ITGA2: variants seen among roughly 807,000 people sequenced by gnomAD.
ITGA2 encodes integrin alpha-2.
In ITGA2, 101 loss-of-function variants were observed where a neutral mutation model predicts 146.3. That is an observed-to-expected ratio of 0.69 (90% confidence interval 0.59 to 0.81). The LOEUF is 0.81. Ranked by LOEUF, ITGA2 falls within the 40% of genes least tolerant of loss-of-function variation. The pLI is 0.00. For synonymous variants in ITGA2, 477 were observed against 487.1 expected, an observed-to-expected ratio of 0.98 and a Z score of 0.27; for missense variants, 1,281 against 1,402.7, an observed-to-expected ratio of 0.91 and a Z score of 1.39.
chr5:53,031,294 T>C (rs1160778265), intron 2 of ITGA2, among the ~76,000 whole-genome samples: 3 of 152,242 alleles, frequency 2.0e-5, no homozygotes, highest in Admixed American at 6.5e-5. Flanking sequence ...GGATTTATCA[T>C]GTAATACATG....
chr5:53,072,252 C>T (rs1053225888), intron 18 of ITGA2, among the ~76,000 whole-genome samples: 10 of 151,852 alleles, frequency 6.6e-5, no homozygotes, highest in Admixed American at 1.3e-4. Context: ...GCTGTGTTTC[C>T]ACTCCCTAGA....
chr5:53,025,486 A>C (rs1475603643), intron 1 of ITGA2, among the ~76,000 whole-genome samples: 1 of 152,206 alleles, frequency 6.6e-6, no homozygotes, highest in Admixed American at 6.5e-5. Context: ...TCCCTGATAC[A>C]GTGATTTTGG....
chr5:53,016,742 C>A (rs1742418718), intron 1 of ITGA2, among the ~76,000 whole-genome samples: 2 of 152,088 alleles, frequency 1.3e-5, no homozygotes. Flanking sequence ...TAAATTTGGT[C>A]TCTTTACATA....
At chr5:53,072,743 T>C (rs1386367996) in intron 19 of ITGA2, 48 bp downstream of exon 19, 2 of 1,369,748 alleles carry the variant, frequency 1.5e-6, no homozygotes, top group South Asian at 2.4e-5. Flanking sequence ...ATAAAAGACA[T>C]ACTAGATTAC....
intron 27 of ITGA2, among the ~76,000 whole-genome samples, chr5:53,086,751 T>C (rs1047033913): frequency 1.3e-5 from 2 of 152,188 alleles, no homozygotes; most frequent in African/African-American, 2.4e-5. Context: ...CAGACATGTA[T>C]TAAAATTACC....
chr5:53,046,705 A>G (rs573907711), intron 4 of ITGA2, among the ~76,000 whole-genome samples: 1 of 151,984 alleles, frequency 6.6e-6, no homozygotes, highest in Admixed American at 6.6e-5. Context: ...AGAGAGGAGG[A>G]GAAAGAAAAA....
intron 1 of ITGA2, among the ~76,000 whole-genome samples, chr5:52,991,756 G>A (rs186699192): frequency 4.5e-4 from 68 of 152,090 alleles, no homozygotes; most frequent in Non-Finnish European, 5.9e-5. Context: ...CTTTTCACAG[G>A]TGCTTAAGAA....
At chr5:53,037,366 T>C (rs879528051) in intron 2 of ITGA2, among the ~76,000 whole-genome samples, 2 of 152,224 alleles carry the variant, frequency 1.3e-5, no homozygotes, top group Non-Finnish European at 2.9e-5. Context: ...AACTCTTTTG[T>C]CTGGTTGGGA....
intron 13 of ITGA2, 46 bp downstream of exon 13, chr5:53,062,975 G>C (rs1306624271): frequency 1.3e-6 from 2 of 1,504,014 alleles, no homozygotes; most frequent in Non-Finnish European, 1.8e-6. Flanking sequence ...CTTTAGTACT[G>C]GTAATTTAAC....
At chr5:53,036,169 G>A (rs1743484696) in intron 2 of ITGA2, among the ~76,000 whole-genome samples, 1 of 152,100 alleles carries the variant, frequency 6.6e-6, no homozygotes, top group African/African-American at 2.4e-5. Context: ...CCTTCTGCCA[G>A]CCCTGTATGA....
In ITGA2 at chr5:53,092,808, A is replaced by C. The variant is rs1423655662; in HGVS notation, c.*2209A>C. On this transcript the variant is annotated 3_prime_UTR_variant, in exon 30 of 30. Transcript: ENST00000296585. The stretch of plus-strand genomic sequence containing the variant: ...AGCAAGACCCTGTCTCAAAAAAATG[A>C]CTATTTAAAAAGACAATGTGGCCAG... 6.6e-6 allele frequency: 1 copy of C among 152,142 alleles called. No individual in the cohort carries two copies. The highest frequency in any genetic ancestry group is 1.5e-5 in the Non-Finnish European group (1 of 68,058). The allele number at this position is 152,142 out of a possible 1,614,324, so 9.4% of individuals were successfully genotyped here.
chr5:53,014,555 G>C (rs1177474412), intron 1 of ITGA2, among the ~76,000 whole-genome samples: 1 of 151,936 alleles, frequency 6.6e-6, no homozygotes, highest in Non-Finnish European at 1.5e-5. Flanking sequence ...TTGGCCTGAA[G>C]TTTTCTTTTT....
At chr5:53,013,816 C>G (rs1366346916) in intron 1 of ITGA2, among the ~76,000 whole-genome samples, 1 of 152,042 alleles carries the variant, frequency 6.6e-6, no homozygotes, top group Non-Finnish European at 1.5e-5. Context: ...AGAGATCTTT[C>G]ACTTCCCTGG....
chr5:53,074,510 A>G (rs1461813868), intron 21 of ITGA2, 33 bp downstream of exon 21: 1 of 1,498,970 alleles, frequency 6.7e-7, no homozygotes, highest in Non-Finnish European at 9.3e-7. Context: ...CAATCCATAC[A>G]AGCCCTCCTT....
At chr5:53,025,738 G>A (rs535018136) in intron 1 of ITGA2, among the ~76,000 whole-genome samples, 18 of 152,136 alleles carry the variant, frequency 1.2e-4, no homozygotes, top group Non-Finnish European at 2.4e-4. Context: ...GAACTTTGAT[G>A]TCAATTTTAA....
intron 4 of ITGA2, among the ~76,000 whole-genome samples, chr5:53,045,336 G>C (rs912262781): frequency 2.0e-5 from 3 of 152,210 alleles, no homozygotes; most frequent in African/African-American, 7.2e-5. Flanking sequence ...AAAGAACCCT[G>C]ATTCTTTGCC....
At chr5:53,061,135 G>A (rs538757834) in intron 12 of ITGA2, 89 bp downstream of exon 12, 2 of 1,212,618 alleles carry the variant, frequency 1.6e-6, no homozygotes, top group Admixed American at 1.7e-5. Context: ...AAACAACATG[G>A]CCTGAGTGCC....
chr5:53,059,004 T>A (rs768122987), intron 10 of ITGA2, among the ~76,000 whole-genome samples: 2 of 152,000 alleles, frequency 1.3e-5, no homozygotes, highest in Non-Finnish European at 2.9e-5. Context: ...TGGTCTCTTA[T>A]CCTCAAAGTA....
In ITGA2 at chr5:53,065,023, G is replaced by A. The variant is rs1745079545; in HGVS notation, c.1714G>A (p.Val572Met). The A allele has an allele frequency of 6.2e-7, 1 of 1,612,754 alleles. No homozygotes were observed. Among genetic ancestry groups the A allele is most frequent in the Admixed American group, 1.7e-5 (1 of 59,842 alleles). ...CATCAACATGGATGGCTTTAATGAT[G>A]TGATTGTTGGTTCACCACTAGAAAA... ...SDINMDGFND[V>M]IVGSPLENQN... The change falls in exon 14 of 30, where the codon GTG becomes ATG. Residue 572 changes from valine to methionine, a missense_variant. Physicochemically the swap from Val to Met is conservative, Grantham distance 21 (BLOSUM62 1). Around this residue, in one of 3 missense-constraint regions of ITGA2, gnomAD observed 795 missense variants for 841.7 expected, o/e 0.94. Coordinates refer to ENST00000296585, the MANE Select transcript of ITGA2 (RefSeq NM_002203.4).
Sources: gnomAD v4.1 joint callset for allele counts (sites outside exome capture counted in the v4.1 genomes callset) on GRCh38, gnomAD v4.1.1 for gene constraint, gnomAD v4.1.1 regional missense constraint, MANE v1.5 for transcripts, NCBI Gene and HGNC (gene_info 2026-07-23, HGNC 2026-07-21) for gene names.